Variants in DNAH11 observed in about 807,000 individuals in gnomAD.
DNAH11 encodes the protein axonemal beta dynein heavy chain 11.
Under a neutral mutation model 526.0 loss-of-function variants are expected in DNAH11, and 442 were observed. The ratio of observed to expected loss-of-function variants is 0.84; its 90% confidence interval spans 0.78 to 0.91. The LOEUF (loss-of-function observed/expected upper bound fraction) is 0.91, where lower values mean the gene tolerates loss of function less well. Among genes scored for constraint, DNAH11 ranks in the 40% least tolerant of loss-of-function variants. DNAH11 has a pLI of 0.00. For missense variants in DNAH11, 6,989 were observed against 5,448.7 expected, an observed-to-expected ratio of 1.28 and a Z score of -8.90; for synonymous variants, 2,461 against 1,935.9, an observed-to-expected ratio of 1.27 and a Z score of -7.12.
intron 28 of DNAH11, among the ~76,000 whole-genome samples, chr7:21,651,837 A>G (rs1781791141): frequency 6.6e-6 from 1 of 152,236 alleles, no homozygotes; most frequent in Non-Finnish European, 1.5e-5. Flanking sequence ...CCAGCCCACA[A>G]AAATCACTGC....
chr7:21,722,460 G>T (rs1247976759), intron 44 of DNAH11, among the ~76,000 whole-genome samples: 1 of 152,160 alleles, frequency 6.6e-6, no homozygotes, highest in Non-Finnish European at 1.5e-5. Flanking sequence ...GCAGCCAAGA[G>T]TGACCTATAT....
Position 21,543,318 on chromosome 7 carries a change from G to A in DNAH11, c.73G>A (p.Ala25Thr), listed in dbSNP as rs201804029. ...CCCGACCCTTCGCCTAACCTCGGGG[G>A]CCGGCCTGGAGGCAGTGGGCGCTGT... ...EAPTLRLTSG[A>T]GLEAVGAVEL... The change falls in exon 1 of 82, where the codon GCC (alanine) becomes ACC (threonine). Residue 25 changes from alanine to threonine, a missense_variant. Transcript: ENST00000409508. The A allele has an allele frequency of 1.9e-6, 3 of 1,550,098 alleles. No individual in the cohort carries two copies. Among genetic ancestry groups the A allele is most frequent in the East Asian group, 4.9e-5 (2 of 40,870 alleles).
At position 21,617,778 on chromosome 7, in the gene DNAH11, G is replaced by T; in HGVS notation, c.4254+1G>T. ...GCACCAGCTGATGAAAGCTATTGGGGTCAGTATCCTTGGTCTCACTAATGA... is the reference window on the plus strand; with the variant it reads ...GCACCAGCTGATGAAAGCTATTGGGTTCAGTATCCTTGGTCTCACTAATGA... On this transcript the variant is annotated splice_donor_variant, in intron 23 of 81. Coordinates refer to ENST00000409508, the MANE Select transcript of DNAH11 (RefSeq NM_001277115.2). LOFTEE classifies it high-confidence loss of function. 6.3e-7 allele frequency: 1 copy of T among 1,590,000 alleles called. No individual in the cohort carries two copies. Among genetic ancestry groups the T allele is most frequent in the Non-Finnish European group, 8.6e-7 (1 of 1,169,582 alleles).
At chr7:21,738,016 A>G (rs928876134) in intron 46 of DNAH11, among the ~76,000 whole-genome samples, 1 of 152,130 alleles carries the variant, frequency 6.6e-6, no homozygotes, top group Non-Finnish European at 1.5e-5. Flanking sequence ...TGTCGGTGGT[A>G]TAGCAATGAA....
chr7:21,564,236 C>A lies in DNAH11; in HGVS notation c.1033C>A (p.His345Asn). The change falls in exon 6 of 82, where the codon CAC becomes AAC. Residue 345 changes from histidine (H) to asparagine (N), a missense_variant. By Grantham distance (68) the His-to-Asn change is moderately conservative. Transcript: ENST00000409508. ...VELYLRPLRRHIQCLQETEFP... is the reference protein window; with the variant it reads ...VELYLRPLRRNIQCLQETEFP... ...ACTTTACCTGAGACCTCTGAGGAGA[C>A]ACATCCAGTGTCTCCAGGAGACGGA... 1 of 1,612,468 alleles carries A rather than the reference C, an allele frequency of 6.2e-7. No homozygotes were observed. The highest frequency in any genetic ancestry group is 8.5e-7 in the Non-Finnish European group (1 of 1,179,150).
intron 8 of DNAH11, among the ~76,000 whole-genome samples, chr7:21,578,132 C>T (rs989065194): frequency 8.5e-5 from 13 of 152,250 alleles, no homozygotes; most frequent in Middle Eastern, 3.4e-3. Context: ...TACTTTTAAA[C>T]CATCAGATCT....
chr7:21,564,705 C>G (rs551989257), intron 6 of DNAH11, among the ~76,000 whole-genome samples: 2 of 152,132 alleles, frequency 1.3e-5, no homozygotes, highest in Admixed American at 1.3e-4. Flanking sequence ...TTCTTTGTAG[C>G]CTTCCCTTCG....
intron 43 of DNAH11, among the ~76,000 whole-genome samples, chr7:21,718,234 C>T (rs937893421): frequency 2.6e-5 from 4 of 151,942 alleles, no homozygotes; most frequent in East Asian, 1.9e-4. Flanking sequence ...ATAGTAGGTG[C>T]CAGATATGTG....
At chr7:21,881,133 A>AT (rs367971326) in intron 75 of DNAH11, among the ~76,000 whole-genome samples, 1 of 152,180 alleles carries the variant, frequency 6.6e-6, no homozygotes, top group South Asian at 2.1e-4. Flanking sequence ...GTAAAAAAAA[A>AT]CAAAAAATGT....
At chr7:21,850,412 T>G (rs1015805346) in intron 66 of DNAH11, among the ~76,000 whole-genome samples, 1 of 151,644 alleles carries the variant, frequency 6.6e-6, no homozygotes, top group African/African-American at 2.4e-5. Context: ...TGTTACGTTG[T>G]TTTTTATGTC....
intron 76 of DNAH11, among the ~76,000 whole-genome samples, chr7:21,889,830 AG>A (rs1417256566): frequency 6.6e-6 from 1 of 152,220 alleles, no homozygotes; most frequent in Non-Finnish European, 1.5e-5. Flanking sequence ...ATTAGCAAAA[AG>A]CATCTTTTCA....
chr7:21,557,330 T>G (rs1314321557), intron 2 of DNAH11, among the ~76,000 whole-genome samples: 1 of 152,172 alleles, frequency 6.6e-6, no homozygotes, highest in Non-Finnish European at 1.5e-5. Flanking sequence ...TCTTACTCTG[T>G]TCAGGTTGCT....
rs1380442728 is a variant in DNAH11 at position 21,698,269 on chromosome 7, G to A, written c.6180+56G>A. ...TTTACATACCATTGAAAAAGCTTTTGAAGTATGGATTTTAGGTAATTTATC... is the reference window on the plus strand; with the variant it reads ...TTTACATACCATTGAAAAAGCTTTTAAAGTATGGATTTTAGGTAATTTATC... On this transcript the variant is annotated intron_variant, in intron 36 of 81. Coordinates refer to ENST00000409508, the MANE Select transcript of DNAH11 (RefSeq NM_001277115.2). 17 of 1,595,042 alleles carry A rather than the reference G, an allele frequency of 1.1e-5. No individual in the cohort carries two copies. In the South Asian group the frequency reaches 2.0e-4, roughly 19 times the overall value.
Position 21,685,286 on chromosome 7 carries a change from A to G in DNAH11, c.5621+1342A>G, listed in dbSNP as rs147968685. Among the ~76,000 whole-genome samples, 26 of 152,316 alleles carry G rather than the reference A, an allele frequency of 1.7e-4. No homozygotes were observed. In the East Asian group the frequency reaches 4.8e-3, roughly 28 times the overall value. ...GTCTACCGTACGCATGCCATTGTCA[A>G]TAGAGAAGGAGGAAAGGGAGGCCCA... On this transcript the variant is annotated intron_variant, in intron 32 of 81. Transcript: ENST00000409508.
intron 23 of DNAH11, chr7:21,618,121 T>G: frequency 6.0e-6 from 1 of 166,668 alleles, no homozygotes; most frequent in Non-Finnish European, 1.3e-5. Flanking sequence ...AGGACAGACC[T>G]AGCTCCCTGG....
At chr7:21,807,670 T>C (rs1343914365) in intron 62 of DNAH11, among the ~76,000 whole-genome samples, 1 of 152,142 alleles carries the variant, frequency 6.6e-6, no homozygotes, top group African/African-American at 2.4e-5. Context: ...CACTTTGTGA[T>C]AAACTCCACT....
At chr7:21,700,800 T>G (rs1011118295) in intron 36 of DNAH11, among the ~76,000 whole-genome samples, 1 of 152,168 alleles carries the variant, frequency 6.6e-6, no homozygotes, top group African/African-American at 2.4e-5. Context: ...TGAGTTCATG[T>G]CCTTTGCAGA....
intron 74 of DNAH11, among the ~76,000 whole-genome samples, chr7:21,877,647 G>A (rs796987853): frequency 2.1e-4 from 32 of 151,914 alleles, no homozygotes; most frequent in African/African-American, 4.3e-4. Flanking sequence ...AGGCCGAGGC[G>A]GGCGGATCAC....
At chr7:21,734,506 A>C (rs920353690) in intron 45 of DNAH11, among the ~76,000 whole-genome samples, 2 of 152,236 alleles carry the variant, frequency 1.3e-5, no homozygotes, top group Non-Finnish European at 2.9e-5. Context: ...TCACTGAATT[A>C]AAATGAAGTT....
Sources: gnomAD v4.1 joint callset for allele counts (sites outside exome capture counted in the v4.1 genomes callset) on GRCh38, gnomAD v4.1.1 for gene constraint, MANE v1.5 for transcripts, NCBI Gene and HGNC (gene_info 2026-07-23, HGNC 2026-07-21) for gene names.